The following RNF145 variants were observed in gnomAD, a reference collection of about 807,000 sequenced individuals.
RNF145 encodes ring finger protein 145.
RNF145 carries 12 observed loss-of-function variants against 57.3 expected under a neutral mutation model. The ratio of observed to expected loss-of-function variants is 0.21; its 90% confidence interval spans 0.13 to 0.34. RNF145 has a LOEUF of 0.34. Among genes scored for constraint, RNF145 ranks in the 10% least tolerant of loss-of-function variants. RNF145 has a pLI of 1.00. For synonymous variants in RNF145, 262 were observed against 288.3 expected, an observed-to-expected ratio of 0.91 and a Z score of 0.92; for missense variants, 429 against 799.0, an observed-to-expected ratio of 0.54 and a Z score of 5.58.
chr5:159,192,980 G>A (rs1044981611), intron 3 of RNF145, among the ~76,000 whole-genome samples: 1 of 152,248 alleles, frequency 6.6e-6, no homozygotes, highest in Non-Finnish European at 1.5e-5. Flanking sequence ...AGCCTGAGCT[G>A]AGACTCAGAG....
intron 5 of RNF145, among the ~76,000 whole-genome samples, 160 bp downstream of exon 5, chr5:159,176,472 A>C (rs1328195522): frequency 1.3e-5 from 2 of 152,146 alleles, no homozygotes; most frequent in Non-Finnish European, 2.9e-5. Flanking sequence ...ATAATCAAGA[A>C]TCTTTCAGAT....
intron 8 of RNF145, among the ~76,000 whole-genome samples, chr5:159,166,262 T>C (rs1784390903): frequency 6.6e-6 from 1 of 152,226 alleles, no homozygotes; most frequent in Non-Finnish European, 1.5e-5. Context: ...TTTCTCTTAC[T>C]GATGTGTAGG....
At chr5:159,159,184 A>C in intron 10 of RNF145, 149 bp from the exon 11 acceptor site, 1 of 680,766 alleles carries the variant, frequency 1.5e-6, no homozygotes, top group Non-Finnish European at 2.4e-6. Flanking sequence ...ATATATCAGT[A>C]ATAATCCTGC....
intron 2 of RNF145, among the ~76,000 whole-genome samples, chr5:159,197,585 T>C (rs1202158978): frequency 1.3e-5 from 2 of 152,224 alleles, no homozygotes; most frequent in Admixed American, 1.3e-4. Context: ...ATGAGAGCAG[T>C]ATGAATGAAC....
At chr5:159,199,181 G>T (rs532526308) in intron 2 of RNF145, among the ~76,000 whole-genome samples, 1 of 152,242 alleles carries the variant, frequency 6.6e-6, no homozygotes, top group South Asian at 2.1e-4. Flanking sequence ...TGGAATCACA[G>T]AGGAAGAACA....
rs1398012576 is a variant in RNF145, at chr5:159,161,612, G to T, written c.1280C>A (p.Thr427Lys). The change falls in exon 10 of 11, where the codon ACA (threonine) becomes AAA (lysine). Residue 427 changes from threonine to lysine, a missense_variant. Around this residue, in one of 4 missense-constraint regions of RNF145, gnomAD observed 216 missense variants for 457.6 expected, o/e 0.47. Coordinates refer to ENST00000424310, the MANE Select transcript of RNF145 (RefSeq NM_001199383.2). ...CATAAATAAGACATAAATAAAAAGT[G>T]TTCCCAGAACCTGAAAAAAAAAAAA... ...SILTSLQVLG[T>K]LFIYVLFMVE... 3 of 1,515,240 alleles carry T rather than the reference G, an allele frequency of 2.0e-6. No homozygotes were observed. The highest frequency in any genetic ancestry group is 2.6e-6 in the Non-Finnish European group (3 of 1,134,638). The allele number at this position is 1,515,240 out of a possible 1,614,324, so 93.9% of individuals were successfully genotyped here. A position where few individuals can be genotyped will look rare whatever the true frequency, so the allele number is the denominator to read the frequency against.
intron 2 of RNF145, among the ~76,000 whole-genome samples, chr5:159,196,085 T>A (rs1163313236): frequency 1.3e-5 from 2 of 152,194 alleles, no homozygotes; most frequent in Non-Finnish European, 2.9e-5. Context: ...ATGCACAGTA[T>A]ACTACCATCC....
chr5:159,167,656 C>G (rs1285232069), intron 8 of RNF145, among the ~76,000 whole-genome samples: 1 of 152,090 alleles, frequency 6.6e-6, no homozygotes, highest in African/African-American at 2.4e-5. Context: ...TTGCGCTCAC[C>G]CTTGAGTTCA....
chr5:159,184,384 G>T (rs1311070212), intron 3 of RNF145, among the ~76,000 whole-genome samples: 2 of 152,162 alleles, frequency 1.3e-5, no homozygotes, highest in Admixed American at 6.5e-5. Context: ...AACTCAAAAA[G>T]AAATTACTGA....
intron 6 of RNF145, among the ~76,000 whole-genome samples, chr5:159,173,493 G>C (rs147885437): frequency 1.5e-3 from 222 of 152,272 alleles, no homozygotes; most frequent in Non-Finnish European, 2.5e-3. Flanking sequence ...CTGAGTGCCA[G>C]TTCTGCTTCT....
At chr5:159,171,033 C>CT (rs1784534465) in intron 6 of RNF145, among the ~76,000 whole-genome samples, 2 of 152,108 alleles carry the variant, frequency 1.3e-5, no homozygotes, top group Non-Finnish European at 2.9e-5. Context: ...TACACAATTG[C>CT]TTATTAGTTG....
rs530809039 is a variant in RNF145 at position 159,159,215 on chromosome 5, A to T, written c.1627-180T>A. Among the ~76,000 whole-genome samples, 160 of 152,340 alleles carry T rather than the reference A, an allele frequency of 1.1e-3. 1 individual carries two copies. Among genetic ancestry groups the T allele is most frequent in the African/African-American group, 3.5e-3 (147 of 41,592 alleles). On this transcript the variant is annotated intron_variant, in intron 10 of 10. Transcript: ENST00000424310. ...CCTGCTGCCATCACAGATCCCCCTT[A>T]TACAAATAATGCAAGAACTACTGGC...
chr5:159,172,136 T>C (rs1179855140), intron 6 of RNF145, among the ~76,000 whole-genome samples: 2 of 152,188 alleles, frequency 1.3e-5, no homozygotes, highest in Admixed American at 6.5e-5. Context: ...GCTGAGTTTA[T>C]TATCCTAACC....
upstream of RNF145, chr5:159,209,981 G>T (rs1584720945): frequency 7.2e-7 from 1 of 1,384,768 alleles, no homozygotes; most frequent in Non-Finnish European, 9.9e-7. Flanking sequence ...TGGCGTCTGG[G>T]ATGGCTCAGC....
At chr5:159,209,206 G>A (rs1461008153) in intron 1 of RNF145, 25 bp downstream of exon 1, 23 of 973,522 alleles carry the variant, frequency 2.4e-5, no homozygotes, top group Non-Finnish European at 2.7e-5. Flanking sequence ...GGGATGGGAA[G>A]GGGCCGGGCG....
intron 1 of RNF145, among the ~76,000 whole-genome samples, chr5:159,208,730 G>A (rs1007282213): frequency 2.6e-5 from 4 of 152,048 alleles, no homozygotes; most frequent in Non-Finnish European, 5.9e-5. Context: ...AGTGAACAAA[G>A]AGGCAAAAGA....
chr5:159,204,575 G>A (rs1785801307), intron 1 of RNF145, among the ~76,000 whole-genome samples: 2 of 152,146 alleles, frequency 1.3e-5, no homozygotes, highest in South Asian at 4.1e-4. Flanking sequence ...GGAAGCCGAA[G>A]CAGGCAGATC....
rs1397409789 is a variant in RNF145, at chr5:159,157,766, GC to G, written c.*903del. ...TACTCATTCCCAAAGTGCAAATATTGCCATAATTTAACACTGTTTTGATTCA... is the reference window on the plus strand; with the variant it reads ...TACTCATTCCCAAAGTGCAAATATTGCATAATTTAACACTGTTTTGATTCA... On this transcript the variant is annotated 3_prime_UTR_variant, in exon 11 of 11. Transcript: ENST00000424310. 1 of 152,658 alleles carries G rather than the reference GC, an allele frequency of 6.6e-6. No individual in the cohort carries two copies. Among genetic ancestry groups the G allele is most frequent in the Non-Finnish European group, 1.5e-5 (1 of 68,018 alleles). 9.5% of individuals were successfully genotyped at this position (152,658 alleles called of 1,614,324 possible).
intron 2 of RNF145, among the ~76,000 whole-genome samples, chr5:159,199,673 A>G (rs1785595032): frequency 6.6e-6 from 1 of 152,140 alleles, no homozygotes; most frequent in African/African-American, 2.4e-5. Context: ...ACGCTGCCTA[A>G]TCAATCTTAA....
Sources: gnomAD v4.1 joint callset for allele counts (sites outside exome capture counted in the v4.1 genomes callset) on GRCh38, gnomAD v4.1.1 for gene constraint, gnomAD v4.1.1 regional missense constraint, MANE v1.5 for transcripts, NCBI Gene and HGNC (gene_info 2026-07-23, HGNC 2026-07-21) for gene names.